The following DOCK3 variants were observed in gnomAD, a reference collection of about 807,000 sequenced individuals.
DOCK3 encodes the protein dedicator of cytokinesis protein 3.
DOCK3 carries 60 observed loss-of-function variants against 265.6 expected under a neutral mutation model. That is an observed-to-expected ratio of 0.23 (90% CI 0.18 to 0.28). DOCK3 has a LOEUF of 0.28. Ranked by LOEUF, DOCK3 falls within the 10% of genes least tolerant of loss-of-function variation. The pLI, the probability that DOCK3 is intolerant of heterozygous loss-of-function variation, is 1.00. For missense variants in DOCK3, 1,981 were observed against 2,594.3 expected (o/e 0.76, Z 5.14); for synonymous variants, 881 against 938.0 (o/e 0.94, Z 1.11).
intron 1 of DOCK3, among the ~76,000 whole-genome samples, chr3:50,753,295 C>T (rs2039951566): frequency 6.6e-6 from 1 of 151,986 alleles, no homozygotes; most frequent in African/African-American, 2.4e-5. Context: ...GTAGAAATAC[C>T]TTTTCGTATA....
chr3:51,083,673 AT>A (rs1335539171), intron 7 of DOCK3, among the ~76,000 whole-genome samples: 18 of 152,326 alleles, frequency 1.2e-4, no homozygotes, highest in African/African-American at 4.1e-4. Context: ...TCAACAATAG[AT>A]GAAATCAAGC....
chr3:51,075,220 A>G (rs567472431), intron 6 of DOCK3, 136 bp from the exon 7 acceptor site: 3 of 653,354 alleles, frequency 4.6e-6, no homozygotes, highest in Middle Eastern at 2.5e-4. Flanking sequence ...TTGTTGCTGT[A>G]TAAAGACATG....
intron 9 of DOCK3, among the ~76,000 whole-genome samples, chr3:51,116,406 G>A (rs1193341546): frequency 3.2e-4 from 43 of 134,630 alleles, no homozygotes; most frequent in African/African-American, 9.2e-4. Flanking sequence ...AGCTGAGATC[G>A]CGCCACTGTA....
intron 1 of DOCK3, among the ~76,000 whole-genome samples, chr3:50,765,320 G>A (rs1472187044): frequency 6.6e-6 from 1 of 152,038 alleles, no homozygotes; most frequent in Non-Finnish European, 1.5e-5. Flanking sequence ...CTGACCTCAA[G>A]TAATCTGCCC....
At chr3:51,153,720 C>T (rs2085720158) in intron 10 of DOCK3, among the ~76,000 whole-genome samples, 1 of 152,192 alleles carries the variant, frequency 6.6e-6, no homozygotes, top group South Asian at 2.1e-4. Context: ...ATGGACCAAT[C>T]AACTTAGAAA....
chr3:51,005,496 T>G (rs1031749554), intron 5 of DOCK3, among the ~76,000 whole-genome samples: 1 of 152,190 alleles, frequency 6.6e-6, no homozygotes, highest in Non-Finnish European at 1.5e-5. Context: ...AAACTTTATC[T>G]CTGTTTTGAT....
At chr3:51,118,485 A>G (rs764623853) in intron 9 of DOCK3, among the ~76,000 whole-genome samples, 10 of 152,208 alleles carry the variant, frequency 6.6e-5, no homozygotes, top group Admixed American at 1.3e-4. Flanking sequence ...TGCTTGGTCC[A>G]GAGCTGAATT....
At chr3:51,247,819 G>A (rs1241953647) in intron 22 of DOCK3, among the ~76,000 whole-genome samples, 1 of 152,184 alleles carries the variant, frequency 6.6e-6, no homozygotes, top group African/African-American at 2.4e-5. Context: ...GGGGAGGCAC[G>A]AACACAAGTG....
chr3:50,830,658 C>T (rs2045086050), intron 2 of DOCK3, among the ~76,000 whole-genome samples: 1 of 152,128 alleles, frequency 6.6e-6, no homozygotes, highest in African/African-American at 2.4e-5. Context: ...CTTTTGGGTT[C>T]ACACTGCCGA....
chr3:51,362,233 A>T lies in DOCK3; in HGVS notation c.5145+236A>T, dbSNP rs142536196. On this transcript the variant is annotated intron_variant, in intron 48 of 52. Transcript: ENST00000266037. ...CAGCTTCAGTCCTGGTTGCTTTAGGAGATCCCACGGGAAAGATCCTCTGCC... is the reference window on the plus strand; with the variant it reads ...CAGCTTCAGTCCTGGTTGCTTTAGGTGATCCCACGGGAAAGATCCTCTGCC... Among the ~76,000 whole-genome samples, 20 of 152,282 alleles carry T rather than the reference A, an allele frequency of 1.3e-4. No individual in the cohort carries two copies. In the East Asian group the frequency reaches 3.9e-3, roughly 29 times the overall value.
At chr3:51,286,926 T>C (rs1271692604) in intron 27 of DOCK3, among the ~76,000 whole-genome samples, 1 of 152,174 alleles carries the variant, frequency 6.6e-6, no homozygotes, top group Non-Finnish European at 1.5e-5. Flanking sequence ...AAAGATTTCA[T>C]GACAAAGACA....
At position 51,381,098 on chromosome 3, in the gene DOCK3, C is replaced by T; in HGVS notation, c.5632C>T (p.Leu1878=). ...PASPTSPQSG[L]DGSNSTLSGS... Reference sequence around the variant, plus strand: ...CTCCCCCACAAGCCCCCAGTCAGGTCTGGACGGCAGCAACTCTACGCTGTC... The same window carrying T: ...CTCCCCCACAAGCCCCCAGTCAGGTTTGGACGGCAGCAACTCTACGCTGTC... The change falls in exon 53 of 53, where the codon CTG becomes TTG. Residue 1878 remains leucine, a synonymous_variant. Transcript: ENST00000266037. This position sits in a 1 kb window ranked among gnomAD's most constrained non-coding sequence, Gnocchi z 5.6. 1 of 1,613,168 alleles carries T rather than the reference C, an allele frequency of 6.2e-7. No homozygotes were observed. The highest frequency in any genetic ancestry group is 8.5e-7 in the Non-Finnish European group (1 of 1,179,432).
intron 12 of DOCK3, among the ~76,000 whole-genome samples, chr3:51,189,071 G>C (rs2087784740): frequency 6.6e-6 from 1 of 152,116 alleles, no homozygotes; most frequent in African/African-American, 2.4e-5. Flanking sequence ...TAGTGTATAA[G>C]AGTTCCCTTT....
intron 5 of DOCK3, among the ~76,000 whole-genome samples, chr3:50,993,012 A>G (rs1204498041): frequency 6.6e-6 from 1 of 152,188 alleles, no homozygotes; most frequent in African/African-American, 2.4e-5. Flanking sequence ...AATTTACACA[A>G]AGGCCATTAA....
intron 9 of DOCK3, among the ~76,000 whole-genome samples, chr3:51,139,895 G>T (rs1198862401): frequency 1.3e-5 from 2 of 152,178 alleles, no homozygotes; most frequent in Admixed American, 1.3e-4. Flanking sequence ...AGCTTGGCAT[G>T]TTCAAGAAAC....
At chr3:51,314,300 G>A (rs992269459) in intron 31 of DOCK3, among the ~76,000 whole-genome samples, 2 of 152,208 alleles carry the variant, frequency 1.3e-5, no homozygotes, top group Admixed American at 1.3e-4. Context: ...AGGAAGTTGA[G>A]GGTTGAGCTG....
chr3:50,868,597 C>G (rs986058256), intron 3 of DOCK3, among the ~76,000 whole-genome samples: 4 of 152,126 alleles, frequency 2.6e-5, no homozygotes, highest in Admixed American at 2.6e-4. Context: ...TGGTCTGAAA[C>G]TCCTGGGCTC....
intron 5 of DOCK3, among the ~76,000 whole-genome samples, chr3:51,042,081 G>C (rs2080555793): frequency 6.6e-6 from 1 of 152,138 alleles, no homozygotes; most frequent in Non-Finnish European, 1.5e-5. Flanking sequence ...AACTCATTCT[G>C]TGAGGCCAGC....
intron 5 of DOCK3, among the ~76,000 whole-genome samples, chr3:51,052,609 G>A (rs1307727441): frequency 6.6e-6 from 1 of 152,194 alleles, no homozygotes; most frequent in African/African-American, 2.4e-5. Flanking sequence ...CTCTTTTCGT[G>A]TGAAAGGACT....
Sources: allele counts gnomAD v4.1 joint callset (sites outside exome capture counted in the v4.1 genomes callset), GRCh38; gene constraint gnomAD v4.1.1; non-coding constraint Gnocchi (gnomAD v3.1); transcripts MANE v1.5; gene names NCBI Gene and HGNC (gene_info 2026-07-23, HGNC 2026-07-21).